ZFPM1: variants seen among roughly 807,000 people sequenced by gnomAD.
ZFPM1 encodes zinc finger protein, FOG family member 1, also known as zinc finger protein ZFPM1.
Under a neutral mutation model 46.3 loss-of-function variants are expected in ZFPM1, and 28 were observed. The ratio of observed to expected loss-of-function variants is 0.60; its 90% CI spans 0.45 to 0.83. The LOEUF (loss-of-function observed/expected upper bound fraction) is 0.83. Among genes scored for constraint, ZFPM1 ranks in the 40% least tolerant of loss-of-function variants. The probability of loss-of-function intolerance (pLI) is 0.00; values close to 1 mark genes in which losing one functional copy is unlikely to be tolerated. For synonymous variants in ZFPM1, 957 were observed against 675.9 expected (o/e 1.42, Z -6.45); for missense variants, 1,878 against 1,432.4 (o/e 1.31, Z -5.02).
chr16:88,533,133 G>A lies in ZFPM1; in HGVS notation c.1190-15G>A. The A allele has an allele frequency of 2.1e-6, 3 of 1,433,628 alleles. No individual in the cohort carries two copies. The highest frequency in any genetic ancestry group is 2.7e-6 in the Non-Finnish European group (3 of 1,092,504). 88.8% of individuals were successfully genotyped at this position (1,433,628 alleles called of 1,614,324 possible). ...GCCCCAGGCCTGAGGTGCCACCCCT[G>A]CGATCTCTCTGCAGACAGTCTGGGC... On this transcript the variant is annotated splice_polypyrimidine_tract_variant and intron_variant, in intron 9 of 9. Transcript: ENST00000319555.
chr16:88,531,100 A>T (rs1407704696), intron 6 of ZFPM1: 1 of 152,246 alleles, frequency 6.6e-6, no homozygotes, highest in African/African-American at 2.4e-5. Context: ...CAGATATCAC[A>T]TCAGTCTCTA....
Position 88,497,554 on chromosome 16 carries a change from G to C in ZFPM1, c.268+8401G>C, listed in dbSNP as rs955229313. On this transcript the variant is annotated intron_variant, in intron 3 of 9. Transcript: ENST00000319555. This position sits in a 1 kb window ranked among gnomAD's most constrained non-coding sequence, Gnocchi z 5.4. ...GCGGGGATGGGGTTCAGCGGGGTCAGGGCGGGGGCTCAGTGCCAGGGACTG... is the reference window on the plus strand; with the variant it reads ...GCGGGGATGGGGTTCAGCGGGGTCACGGCGGGGGCTCAGTGCCAGGGACTG... Among the ~76,000 whole-genome samples, 10 of 151,732 alleles carry C rather than the reference G, an allele frequency of 6.6e-5. No homozygotes were observed. The highest frequency in any genetic ancestry group is 2.4e-4 in the African/African-American group (10 of 41,284).
At position 88,534,081 on chromosome 16, in the gene ZFPM1, C is replaced by T; in HGVS notation, c.2123C>T (p.Ser708Leu). 1 of 1,225,408 alleles carries T rather than the reference C, an allele frequency of 8.2e-7. No individual in the cohort carries two copies. Among genetic ancestry groups the T allele is most frequent in the Non-Finnish European group, 1.0e-6 (1 of 959,610 alleles). The allele number at this position is 1,225,408 out of a possible 1,614,324, so 75.9% of individuals were successfully genotyped here. A position where few individuals can be genotyped will look rare whatever the true frequency, so the allele number is the denominator to read the frequency against. ...GTGCACAAGCGGTACTACTGCGCCT[C>T]GCGCCACGACCCGCCGCCGCGCCGA... Reference protein sequence around the residue: ...YTVHKRYYCASRHDPPPRRPA... With the variant: ...YTVHKRYYCALRHDPPPRRPA... Residue 708 changes from serine (S) to leucine (L), a missense_variant, in exon 10 of 10, where the codon TCG becomes TTG. By Grantham distance (145) the Ser-to-Leu change is moderately radical (BLOSUM62 -2). Transcript: ENST00000319555.
chr16:88,527,929 A>T, intron 5 of ZFPM1, 103 bp from the exon 6 acceptor site: 1 of 1,198,174 alleles, frequency 8.3e-7, no homozygotes, highest in Non-Finnish European at 1.1e-6. Context: ...ATGGCTGTGA[A>T]CCCGGGTGGC....
chr16:88,532,746 G>A (rs762999596), intron 8 of ZFPM1, 37 bp downstream of exon 8: 3 of 1,612,422 alleles, frequency 1.9e-6, no homozygotes, highest in East Asian at 2.2e-5. Context: ...TGTGGGTCCC[G>A]CCTCCCCGCC....
At chr16:88,495,881 G>A (rs952510533) in intron 3 of ZFPM1, among the ~76,000 whole-genome samples, 7 of 152,332 alleles carry the variant, frequency 4.6e-5, no homozygotes, top group South Asian at 2.1e-4. Context: ...GGGCCATGGG[G>A]AGGGGGGCAT....
intron 4 of ZFPM1, among the ~76,000 whole-genome samples, chr16:88,526,176 G>A (rs4464065): frequency 0.01 from 1,528 of 152,314 alleles, 32 homozygotes; most frequent in African/African-American, 0.035. Flanking sequence ...CCCAGCGTCC[G>A]CCGTGTGCCG....
chr16:88,534,355 G>C lies in ZFPM1; in HGVS notation c.2397G>C (p.Lys799Asn). The change falls in exon 10 of 10, where the codon AAG (lysine) becomes AAC (asparagine). Residue 799 changes from lysine to asparagine, a missense_variant. Physicochemically the swap from Lys to Asn is moderately conservative, Grantham distance 94. Coordinates refer to ENST00000319555, the MANE Select transcript of ZFPM1 (RefSeq NM_153813.3). ...CCGACGGCCCCATCGACCTGAGCAAGAAGCCGCGGCGCCCGCTCCCCGGAG... is the reference window on the plus strand; with the variant it reads ...CCGACGGCCCCATCGACCTGAGCAACAAGCCGCGGCGCCCGCTCCCCGGAG... ...PAADGPIDLS[K>N]KPRRPLPGAP... The C allele has an allele frequency of 1.4e-6, 2 of 1,420,842 alleles. No individual in the cohort carries two copies. The highest frequency in any genetic ancestry group is 1.8e-6 in the Non-Finnish European group (2 of 1,090,672). The allele number at this position is 1,420,842 out of a possible 1,614,324, so 88.0% of individuals were successfully genotyped here.
chr16:88,516,508 CTGCTT>C, intron 4 of ZFPM1: 2 of 398,654 alleles, frequency 5.0e-6, no homozygotes, highest in Non-Finnish European at 8.8e-6. Context: ...CTTCCCTCCT[CTGCTT>C]TATCTCCTGC....
chr16:88,478,203 G>A (rs1012854540), intron 1 of ZFPM1, among the ~76,000 whole-genome samples: 3 of 152,220 alleles, frequency 2.0e-5, no homozygotes, highest in African/African-American at 7.2e-5. Context: ...CACGTCCCCA[G>A]CCTGCCACGA....
At chr16:88,517,516 A>ATGGATGGT (rs1481894040) in intron 4 of ZFPM1, among the ~76,000 whole-genome samples, 1 of 127,412 alleles carries the variant, frequency 7.8e-6, no homozygotes, top group Non-Finnish European at 1.7e-5. Flanking sequence ...GGATGGATGG[A>ATGGATGGT]TGGTTGGATA....
At chr16:88,527,033 G>A (rs902556514) in intron 5 of ZFPM1, 117 bp downstream of exon 5, 1 of 1,439,754 alleles carries the variant, frequency 6.9e-7, no homozygotes, top group Non-Finnish European at 9.2e-7. Flanking sequence ...ATGGGGCACA[G>A]GGAGCTGCTG....
chr16:88,527,116 G>A (rs911828704), intron 5 of ZFPM1, among the ~76,000 whole-genome samples, 200 bp downstream of exon 5: 1 of 152,186 alleles, frequency 6.6e-6, no homozygotes, highest in East Asian at 1.9e-4. Context: ...CCCTGTATGA[G>A]GGTCCCGACT....
chr16:88,462,614 C>T (rs760506111), intron 1 of ZFPM1, among the ~76,000 whole-genome samples: 3 of 152,186 alleles, frequency 2.0e-5, no homozygotes, highest in Non-Finnish European at 2.9e-5. Flanking sequence ...GGGCAGCCAC[C>T]GCGGGCTTCC....
rs1174094102 is a variant in ZFPM1, at chr16:88,534,262, G to C, written c.2304G>C (p.Ser768=). Residue 768 remains serine, a synonymous_variant, in exon 10 of 10, where the codon TCG becomes TCC. Coordinates refer to ENST00000319555, the MANE Select transcript of ZFPM1 (RefSeq NM_153813.3). ...PPPGHAPAPE[S]PRPGSGSGSG... The stretch of plus-strand genomic sequence containing the variant: ...CCGGCCACGCCCCCGCGCCCGAGTC[G>C]CCGCGGCCCGGAAGCGGAAGCGGAA... 1 of 1,073,792 alleles carries C rather than the reference G, an allele frequency of 9.3e-7. No individual in the cohort carries two copies. Among genetic ancestry groups the C allele is most frequent in the African/African-American group, 1.8e-5 (1 of 56,450 alleles). The allele number at this position is 1,073,792 out of a possible 1,614,324, so 66.5% of individuals were successfully genotyped here. A position where few individuals can be genotyped will look rare whatever the true frequency, so the allele number is the denominator to read the frequency against.
Position 88,532,943 on chromosome 16 carries a change from G to A in ZFPM1, c.1189+8G>A. ...CAACCAAGCTGCCCCCAGGTGAGCAGCCCTGTGGGGGCCACCCCTGCCCCT... is the reference window on the plus strand; with the variant it reads ...CAACCAAGCTGCCCCCAGGTGAGCAACCCTGTGGGGGCCACCCCTGCCCCT... On this transcript the variant is annotated splice_region_variant and intron_variant, in intron 9 of 9. Coordinates refer to ENST00000319555, the MANE Select transcript of ZFPM1 (RefSeq NM_153813.3). 3 of 1,612,692 alleles carry A rather than the reference G, an allele frequency of 1.9e-6. No homozygotes were observed. The highest frequency in any genetic ancestry group is 2.5e-6 in the Non-Finnish European group (3 of 1,179,888).
rs1183828264 is a variant in ZFPM1 at position 88,531,937 on chromosome 16, C to T, written c.713-65C>T. On this transcript the variant is annotated intron_variant, in intron 6 of 9. Transcript: ENST00000319555. ...CGTCACGGCCAGGCCCTGCCTCCGCCCACAGCCTTGCCCTGGCTGGCAGGC... is the reference window on the plus strand; with the variant it reads ...CGTCACGGCCAGGCCCTGCCTCCGCTCACAGCCTTGCCCTGGCTGGCAGGC... 3.4e-6 allele frequency: 5 copies of T among 1,489,056 alleles called. No individual in the cohort carries two copies. The Admixed American group carries it at 7.8e-5, about 23-fold the overall frequency. The allele number at this position is 1,489,056 out of a possible 1,614,324, so 92.2% of individuals were successfully genotyped here. A position where few individuals can be genotyped will look rare whatever the true frequency, so the allele number is the denominator to read the frequency against.
chr16:88,528,736 G>A (rs576554793), intron 6 of ZFPM1, among the ~76,000 whole-genome samples: 9 of 50,868 alleles, frequency 1.8e-4, no homozygotes, highest in East Asian at 9.0e-4. Context: ...TGTTGGTTGG[G>A]TTTTTGTTGT....
At chr16:88,481,920 C>T (rs1397937046) in intron 1 of ZFPM1, among the ~76,000 whole-genome samples, 1 of 152,206 alleles carries the variant, frequency 6.6e-6, no homozygotes, top group East Asian at 1.9e-4. Context: ...GAGCACCTGC[C>T]CTGTGTTGAG....
Sources: allele counts gnomAD v4.1 joint callset (sites outside exome capture counted in the v4.1 genomes callset), GRCh38; gene constraint gnomAD v4.1.1; non-coding constraint Gnocchi (gnomAD v3.1); transcripts MANE v1.5; gene names NCBI Gene and HGNC (gene_info 2026-07-23, HGNC 2026-07-21).